Variants in ABHD3 observed in about 807,000 individuals in gnomAD.
ABHD3 encodes abhydrolase domain containing 3, phospholipase, also known as phospholipase ABHD3.
In ABHD3, 46 loss-of-function variants were observed where a neutral mutation model predicts 48.8. The ratio of observed to expected loss-of-function variants is 0.94; its 90% confidence interval spans 0.74 to 1.20. The LOEUF is 1.20. Among genes scored for constraint, ABHD3 ranks in the 50% most tolerant of loss-of-function variants. ABHD3 has a pLI of 0.00. For synonymous variants in ABHD3, 192 were observed against 183.7 expected (o/e 1.04, Z -0.36); for missense variants, 490 against 497.8 (o/e 0.98, Z 0.15).
At chr18:21,669,414 A>C (rs1396794885) in intron 4 of ABHD3, among the ~76,000 whole-genome samples, 1 of 152,076 alleles carries the variant, frequency 6.6e-6, no homozygotes, top group African/African-American at 2.4e-5. Context: ...CCCCAAATGC[A>C]GGTAGGTATT....
chr18:21,693,382 G>C (rs1264989009), intron 3 of ABHD3, among the ~76,000 whole-genome samples: 1 of 152,170 alleles, frequency 6.6e-6, no homozygotes, highest in Non-Finnish European at 1.5e-5. Flanking sequence ...GTGTATGACA[G>C]AGTTAGGATC....
In ABHD3 at chr18:21,675,547, A is replaced by G. The variant is rs149911737; in HGVS notation, c.555+8373T>C. On this transcript the variant is annotated intron_variant, in intron 4 of 8. Coordinates refer to ENST00000289119, the MANE Select transcript of ABHD3 (RefSeq NM_138340.5). ...CTCCCAAAGTGCTGGCGTTACAGGTATGAGTCACCGCACCCAGCCTGAGGT... is the reference window on the plus strand; with the variant it reads ...CTCCCAAAGTGCTGGCGTTACAGGTGTGAGTCACCGCACCCAGCCTGAGGT... Among the ~76,000 whole-genome samples the G allele has an allele frequency of 1.2e-4, 18 of 152,028 alleles. 1 individual carries two copies. In the South Asian group the frequency reaches 1.7e-3, roughly 14 times the overall value.
intron 3 of ABHD3, among the ~76,000 whole-genome samples, chr18:21,696,075 TAATAATGGCTCTC>T (rs780630916): frequency 2.6e-5 from 4 of 152,070 alleles, no homozygotes; most frequent in Non-Finnish European, 5.9e-5. Context: ...TCCCCCCTAG[TAATAATGGCTCTC>T]AATTTTAAAA....
At chr18:21,677,010 A>C (rs1438924177) in intron 4 of ABHD3, among the ~76,000 whole-genome samples, 1 of 152,194 alleles carries the variant, frequency 6.6e-6, no homozygotes, top group African/African-American at 2.4e-5. Context: ...ATCACACCAA[A>C]AAGAAACCTC....
rs180761207 is a variant in ABHD3, at chr18:21,655,317, T to C, written c.1057+1544A>G. On this transcript the variant is annotated intron_variant, in intron 8 of 8. Transcript: ENST00000289119. ...TTTTTTTTTTTTCCAAGATAGAGTC[T>C]CACTCTGTCACCCAGGCTGGAGTGC... 1.5e-3 allele frequency among the ~76,000 whole-genome samples: 228 copies of C among 147,628 alleles called. 2 individuals carry two copies. The highest frequency in any genetic ancestry group is 5.6e-3 in the African/African-American group (221 of 39,808).
chr18:21,674,888 A>T (rs2039842441), intron 4 of ABHD3, among the ~76,000 whole-genome samples: 1 of 151,992 alleles, frequency 6.6e-6, no homozygotes, highest in African/African-American at 2.4e-5. Context: ...ATCCTTTCTA[A>T]ATGCCTTCTT....
Position 21,704,558 on chromosome 18 carries a change from A to T in ABHD3, c.108T>A (p.Leu36=). ...CATAAGCGACGCTGAAGCCCAGGAT[A>T]AGGGATAAGCCCACCCCCGAGCCGA... The part of the protein sequence containing the change: ...GFFGSGVGLS[L]ILGFSVAYAF... Residue 36 remains leucine, a synonymous_variant, in exon 1 of 9, where the codon CTT becomes CTA. Coordinates refer to ENST00000289119, the MANE Select transcript of ABHD3 (RefSeq NM_138340.5). The T allele has an allele frequency of 6.5e-7, 1 of 1,531,694 alleles. No individual in the cohort carries two copies. Among genetic ancestry groups the T allele is most frequent in the South Asian group, 1.2e-5 (1 of 81,402 alleles). 94.9% of individuals were successfully genotyped at this position (1,531,694 alleles called of 1,614,324 possible). A position where few individuals can be genotyped will look rare whatever the true frequency, so the allele number is the denominator to read the frequency against.
chr18:21,693,439 T>C (rs960341532), intron 3 of ABHD3, among the ~76,000 whole-genome samples: 2 of 152,162 alleles, frequency 1.3e-5, no homozygotes, highest in African/African-American at 4.8e-5. Context: ...CCACCTCACT[T>C]CACTGCCCAG....
At chr18:21,679,205 A>C (rs1036578217) in intron 4 of ABHD3, among the ~76,000 whole-genome samples, 31 of 152,242 alleles carry the variant, frequency 2.0e-4, no homozygotes, top group African/African-American at 6.8e-4. Context: ...AGGTATAAAT[A>C]AACATCAGAG....
At chr18:21,653,718 G>A (rs564027228) in intron 8 of ABHD3, among the ~76,000 whole-genome samples, 42 of 141,678 alleles carry the variant, frequency 3.0e-4, no homozygotes, top group Non-Finnish European at 5.1e-4. Context: ...GAGACTGACC[G>A]TGTCTTTACA....
At chr18:21,668,113 A>C (rs2039676313) in intron 4 of ABHD3, among the ~76,000 whole-genome samples, 2 of 149,982 alleles carry the variant, frequency 1.3e-5, no homozygotes, top group Non-Finnish European at 3.0e-5. Context: ...AGGCAGGAGA[A>C]TGGCACGAAC....
At chr18:21,675,950 G>A (rs2847135) in intron 4 of ABHD3, among the ~76,000 whole-genome samples, 76,667 of 151,960 alleles carry the variant, frequency 0.5, 22,527 homozygotes, top group African/African-American at 0.82. Context: ...ATCATTAATG[G>A]CAATGTATTA....
chr18:21,687,902 GC>G (rs1357272468), intron 3 of ABHD3, among the ~76,000 whole-genome samples: 6 of 152,160 alleles, frequency 3.9e-5, no homozygotes, highest in Non-Finnish European at 7.3e-5. Context: ...AGCATCTCTG[GC>G]CTCTACCAAC....
At chr18:21,695,118 C>T (rs907789466) in intron 3 of ABHD3, among the ~76,000 whole-genome samples, 40 of 152,092 alleles carry the variant, frequency 2.6e-4, no homozygotes, top group African/African-American at 8.7e-4. Context: ...CTGCAACCTC[C>T]GCCTCCTGGG....
At chr18:21,688,903 G>C (rs1373333057) in intron 3 of ABHD3, among the ~76,000 whole-genome samples, 2 of 152,190 alleles carry the variant, frequency 1.3e-5, no homozygotes, top group Non-Finnish European at 2.9e-5. Flanking sequence ...TGGTTACACG[G>C]ACAGTAACAA....
intron 4 of ABHD3, among the ~76,000 whole-genome samples, chr18:21,670,504 A>G (rs2039732840): frequency 6.6e-6 from 1 of 152,212 alleles, no homozygotes; most frequent in Non-Finnish European, 1.5e-5. Context: ...TGCCTACTGA[A>G]TTAAGCCTCT....
At chr18:21,664,409 A>G (rs564896151) in intron 4 of ABHD3, 179 bp from the exon 5 acceptor site, 2 of 581,110 alleles carry the variant, frequency 3.4e-6, no homozygotes, top group Non-Finnish European at 5.7e-6. Flanking sequence ...CATGCCATTT[A>G]AAGTCAGCAC....
Position 21,680,651 on chromosome 18 carries a change from C to T in ABHD3, c.555+3269G>A, listed in dbSNP as rs550665537. On this transcript the variant is annotated intron_variant, in intron 4 of 8. Coordinates refer to ENST00000289119, the MANE Select transcript of ABHD3 (RefSeq NM_138340.5). The stretch of plus-strand genomic sequence containing the variant: ...CAGAGACCCAGCTACTCTTACGTTA[C>T]TTAGAACTCAGTGAATTCTTCCTGG... Among the ~76,000 whole-genome samples, 3 of 152,232 alleles carry T rather than the reference C, an allele frequency of 2.0e-5. No individual in the cohort carries two copies. In the East Asian group the frequency reaches 5.8e-4, roughly 29 times the overall value.
chr18:21,670,051 A>AG (rs1011428143), intron 4 of ABHD3, among the ~76,000 whole-genome samples: 85 of 152,266 alleles, frequency 5.6e-4, no homozygotes, highest in African/African-American at 1.9e-3. Context: ...ATAGTCTGGG[A>AG]GACTGTTGAA....
Sources: allele counts gnomAD v4.1 joint callset (sites outside exome capture counted in the v4.1 genomes callset), GRCh38; gene constraint gnomAD v4.1.1; transcripts MANE v1.5; gene names NCBI Gene and HGNC (gene_info 2026-07-23, HGNC 2026-07-21).